The following LAMA3 variants were observed in gnomAD, a reference collection of about 807,000 sequenced individuals.
LAMA3 encodes laminin subunit alpha 3.
In LAMA3, 281 loss-of-function variants were observed where a neutral mutation model predicts 402.0. The observed-to-expected ratio is 0.70, with a 90% CI of 0.63 to 0.77. The LOEUF (loss-of-function observed/expected upper bound fraction) is 0.77, where lower values mean the gene tolerates loss of function less well. Among genes scored for constraint, LAMA3 ranks in the 30% least tolerant of loss-of-function variants. The pLI, the probability that LAMA3 is intolerant of heterozygous loss-of-function variation, is 0.00. For missense variants in LAMA3, 3,840 were observed against 4,215.5 expected (o/e 0.91, Z 2.47); for synonymous variants, 1,431 against 1,558.4 (o/e 0.92, Z 1.93).
intron 69 of LAMA3, among the ~76,000 whole-genome samples, chr18:23,944,424 C>T (rs1400319197): frequency 6.6e-6 from 1 of 152,218 alleles, no homozygotes; most frequent in African/African-American, 2.4e-5. Flanking sequence ...AATGAGGCAA[C>T]TGGACTTCAG....
At chr18:23,854,736 G>A (rs1271076345) in intron 32 of LAMA3, among the ~76,000 whole-genome samples, 1 of 151,810 alleles carries the variant, frequency 6.6e-6, no homozygotes, top group African/African-American at 2.4e-5. Context: ...TGTAATCCCT[G>A]CACTTTGGGA....
intron 67 of LAMA3, 147 bp from the exon 68 acceptor site, chr18:23,939,076 A>C (rs969510394): frequency 2.2e-5 from 18 of 819,600 alleles, no homozygotes; most frequent in Non-Finnish European, 3.5e-5. Context: ...TCTCAGCGGA[A>C]ACTTCCCATC....
intron 2 of LAMA3, among the ~76,000 whole-genome samples, chr18:23,743,321 C>A (rs1168898045): frequency 2.0e-5 from 3 of 152,164 alleles, no homozygotes; most frequent in Non-Finnish European, 4.4e-5. Context: ...GATTCTACTA[C>A]AACTTAGCTT....
Position 23,884,807 on chromosome 18 carries a change from G to C in LAMA3, c.5257G>C (p.Val1753Leu). The C allele has an allele frequency of 6.2e-7, 1 of 1,613,764 alleles. No individual in the cohort carries two copies. The highest frequency in any genetic ancestry group is 8.5e-7 in the Non-Finnish European group (1 of 1,179,898). ...ATGCVVNGGD[V>L]RCSCKAGYTG... The stretch of plus-strand genomic sequence containing the variant: ...TGGCTGTGTGGTGAATGGGGGAGAC[G>C]TGCGGTGCTCCTGCAAAGCTGGGTA... Residue 1753 changes from valine to leucine, a missense_variant, in exon 41 of 75, where the codon GTG (valine) becomes CTG (leucine). Val to Leu is a conservative substitution (Grantham distance 32). This residue lies in a region of LAMA3 where 2,109 missense variants were observed against 2,376.0 expected (regional missense o/e 0.89). Coordinates refer to ENST00000313654, the MANE Select transcript of LAMA3 (RefSeq NM_198129.4).
intron 60 of LAMA3, among the ~76,000 whole-genome samples, chr18:23,917,767 A>G (rs1748521707): frequency 6.6e-6 from 1 of 152,120 alleles, no homozygotes; most frequent in Non-Finnish European, 1.5e-5. Context: ...CCTTTTTCAC[A>G]TGCATAGTTT....
intron 13 of LAMA3, among the ~76,000 whole-genome samples, 163 bp downstream of exon 13, chr18:23,810,666 G>A (rs921049114): frequency 3.3e-5 from 5 of 152,080 alleles, no homozygotes; most frequent in Middle Eastern, 3.4e-3. Flanking sequence ...TTCAAGTCTG[G>A]TTTGAAAACA....
chr18:23,930,104 T>C (rs780394675), intron 64 of LAMA3, among the ~76,000 whole-genome samples: 1 of 152,212 alleles, frequency 6.6e-6, no homozygotes, highest in Non-Finnish European at 1.5e-5. Flanking sequence ...TGTTTTAGAC[T>C]GAAATCTTAC....
At chr18:23,720,846 G>A (rs2061198692) in intron 2 of LAMA3, among the ~76,000 whole-genome samples, 1 of 152,096 alleles carries the variant, frequency 6.6e-6, no homozygotes, top group African/African-American at 2.4e-5. Flanking sequence ...TGGAAATCAG[G>A]TGTTTTCTTT....
chr18:23,693,530 CAAAA>C (rs34337453), intron 1 of LAMA3, among the ~76,000 whole-genome samples: 6 of 113,226 alleles, frequency 5.3e-5, no homozygotes, highest in Admixed American at 9.1e-5. Flanking sequence ...GACTCTGTAT[CAAAA>C]AAAAAAAAAA....
At position 23,954,396 on chromosome 18, in the gene LAMA3, CT is replaced by C. The variant is rs1177941087; in HGVS notation, c.9857-106del. 4.8e-6 allele frequency: 4 copies of C among 840,502 alleles called. No homozygotes were observed. The East Asian group carries it at 1.1e-4, about 23-fold the overall frequency. The allele number at this position is 840,502 out of a possible 1,614,324, so 52.1% of individuals were successfully genotyped here. The stretch of plus-strand genomic sequence containing the variant: ...TCAGCCTGGGTAACAGAGCAGGACC[CT>C]GTCTAAAAAAAAAAAAAAAAAAAAA... On this transcript the variant is annotated intron_variant, in intron 74 of 74. Coordinates refer to ENST00000313654, the MANE Select transcript of LAMA3 (RefSeq NM_198129.4).
intron 1 of LAMA3, among the ~76,000 whole-genome samples, chr18:23,698,202 CTTTTTTTTTTTT>C (rs755879182): frequency 3.7e-5 from 4 of 108,860 alleles, no homozygotes; most frequent in East Asian, 2.6e-4. Flanking sequence ...TCTTCTTCTT[CTTTTTTTTTTTT>C]TTTTTTTTTT....
At chr18:23,802,644 C>T (rs780164829) in intron 12 of LAMA3, among the ~76,000 whole-genome samples, 49 of 152,264 alleles carry the variant, frequency 3.2e-4, no homozygotes, top group Admixed American at 1.6e-3. Flanking sequence ...ATGATCGTCA[C>T]GTCTCCTGGT....
chr18:23,741,526 T>C (rs2061563880), intron 2 of LAMA3, among the ~76,000 whole-genome samples: 1 of 152,178 alleles, frequency 6.6e-6, no homozygotes, highest in Admixed American at 6.5e-5. Flanking sequence ...AGTTGATCAG[T>C]TTTTCAAATG....
At position 23,905,572 on chromosome 18, in the gene LAMA3, C is replaced by G. The variant is rs1337558734; in HGVS notation, c.6666C>G (p.Asn2222Lys). Residue 2222 changes from asparagine to lysine, a missense_variant, in exon 52 of 75, where the codon AAC becomes AAG. Around this residue, in one of 3 missense-constraint regions of LAMA3, gnomAD observed 891 missense variants for 857.5 expected, o/e 1.04. Transcript: ENST00000313654. Reference protein sequence around the residue: ...LPRKAKTLSSNSDKLLNEAKM... With the variant: ...LPRKAKTLSSKSDKLLNEAKM... ...GAAAAGCTAAAACCCTGAGTTCCAA[C>G]AGTGATAAACTGTTAAATGAAGCCA... is the stretch of plus-strand genomic sequence containing the variant. 1.2e-5 allele frequency: 20 copies of G among 1,612,108 alleles called. No individual in the cohort carries two copies. Among genetic ancestry groups the G allele is most frequent in the Non-Finnish European group, 1.7e-5 (20 of 1,178,556 alleles).
intron 42 of LAMA3, among the ~76,000 whole-genome samples, chr18:23,892,544 A>G (rs1249643479): frequency 6.6e-6 from 1 of 152,208 alleles, no homozygotes; most frequent in East Asian, 1.9e-4. Context: ...AAACAAGACC[A>G]TGCTTGCTGG....
chr18:23,920,782 C>T (rs555207976), intron 60 of LAMA3, among the ~76,000 whole-genome samples, 153 bp from the exon 61 acceptor site: 39 of 152,282 alleles, frequency 2.6e-4, no homozygotes, highest in African/African-American at 7.5e-4. Flanking sequence ...CATCCCATCC[C>T]GTGAGGTTGC....
chr18:23,863,015 GAGAGAA>G (rs2064262993), intron 35 of LAMA3, among the ~76,000 whole-genome samples: 1 of 152,196 alleles, frequency 6.6e-6, no homozygotes, highest in African/African-American at 2.4e-5. Context: ...GAGAGAGAGA[GAGAGAA>G]AGAGAGAGAG....
intron 6 of LAMA3, 144 bp from the exon 7 acceptor site, chr18:23,758,252 G>A: frequency 1.4e-6 from 1 of 706,486 alleles, no homozygotes; most frequent in Non-Finnish European, 2.6e-6. Flanking sequence ...AATAATACTT[G>A]CGAAGTGTTG....
Position 23,861,795 on chromosome 18 carries a change from C to T in LAMA3, c.4572C>T (p.Tyr1524=), listed in dbSNP as rs900663690. 3 of 1,612,828 alleles carry T rather than the reference C, an allele frequency of 1.9e-6. No individual in the cohort carries two copies. The African/African-American group carries it at 4.0e-5, about 22-fold the overall frequency. The change falls in exon 35 of 75, where the codon TAC becomes TAT. Residue 1524 remains tyrosine, a synonymous_variant. Coordinates refer to ENST00000313654, the MANE Select transcript of LAMA3 (RefSeq NM_198129.4). ...HSASWVAPTS[Y]LGDKVSSYGG... ...CGTCCTGGGTCGCACCCACCTCCTA[C>T]CTGGGGGACAAGGTAATGATGTCCT...
Sources: allele counts gnomAD v4.1 joint callset (sites outside exome capture counted in the v4.1 genomes callset), GRCh38; gene constraint gnomAD v4.1.1; regional missense constraint gnomAD v4.1.1; transcripts MANE v1.5; gene names NCBI Gene and HGNC (gene_info 2026-07-23, HGNC 2026-07-21).